Variants in XYLT1 observed in about 807,000 individuals in gnomAD.
XYLT1 encodes beta-D-xylosyltransferase 1.
In XYLT1, 36 loss-of-function variants were observed where a neutral mutation model predicts 91.3. That is an observed-to-expected ratio of 0.39 (90% CI 0.30 to 0.52). The LOEUF is 0.52. Ranked by LOEUF, XYLT1 falls within the 20% of genes least tolerant of loss-of-function variation. The pLI is 0.68. For missense variants in XYLT1, 1,242 were observed against 1,284.5 expected (o/e 0.97, Z 0.51); for synonymous variants, 588 against 532.0 (o/e 1.11, Z -1.45).
At chr16:17,136,957 G>A (rs1175036378) in intron 8 of XYLT1, among the ~76,000 whole-genome samples, 1 of 152,148 alleles carries the variant, frequency 6.6e-6, no homozygotes, top group African/African-American at 2.4e-5. Flanking sequence ...GATTAGGGCA[G>A]TGAGGGACGG....
chr16:17,257,494 T>C (rs533924409), intron 3 of XYLT1, among the ~76,000 whole-genome samples: 2 of 152,224 alleles, frequency 1.3e-5, no homozygotes, highest in East Asian at 3.9e-4. Flanking sequence ...TTTGAGAATA[T>C]CTTCTCCAAG....
chr16:17,138,185 G>GAACA, intron 8 of XYLT1, 170 bp downstream of exon 8: 4 of 724,314 alleles, frequency 5.5e-6, no homozygotes, highest in Non-Finnish European at 8.8e-6. Context: ...CCTGAAGTAA[G>GAACA]TGCTCAATAA....
intron 11 of XYLT1, 79 bp from the exon 12 acceptor site, chr16:17,109,096 G>A: frequency 7.4e-7 from 1 of 1,348,386 alleles, no homozygotes. Context: ...TGTGCCTGGT[G>A]CTGCACTGGG....
rs535784714 is a variant in XYLT1, at chr16:17,303,945, AG to A, written c.403-44448del. 7.0e-4 allele frequency among the ~76,000 whole-genome samples: 106 copies of A among 152,324 alleles called. 1 individual carries two copies. Among genetic ancestry groups the A allele is most frequent in the African/African-American group, 2.2e-3 (92 of 41,564 alleles). ...GAGCAAATGATGTGGCAGACACACA[AG>A]ATACAGGAACAAAATACATATGTGA... On this transcript the variant is annotated intron_variant, in intron 2 of 11. Transcript: ENST00000261381.
intron 8 of XYLT1, among the ~76,000 whole-genome samples, chr16:17,138,061 G>GGAAAGTTTTTTTTAACCT (rs1555481535): frequency 6.6e-6 from 1 of 151,750 alleles, no homozygotes; most frequent in Admixed American, 6.5e-5. Flanking sequence ...TATGGCCTTT[G>GGAAAGTTTTTTTTAACCT]GAAAGTTTTT....
intron 2 of XYLT1, among the ~76,000 whole-genome samples, chr16:17,289,919 G>T (rs755505500): frequency 3.3e-4 from 50 of 152,220 alleles, no homozygotes; most frequent in Non-Finnish European, 6.5e-4. Flanking sequence ...ATGACTTTCT[G>T]CAGAGAACAA....
chr16:17,155,719 G>T (rs2031389477), intron 6 of XYLT1, among the ~76,000 whole-genome samples: 1 of 152,156 alleles, frequency 6.6e-6, no homozygotes, highest in Non-Finnish European at 1.5e-5. Context: ...ATCCCAGCTG[G>T]GGACTCACAC....
At chr16:17,440,392 G>T (rs2036518356) in intron 1 of XYLT1, among the ~76,000 whole-genome samples, 1 of 152,214 alleles carries the variant, frequency 6.6e-6, no homozygotes, top group African/African-American at 2.4e-5. Flanking sequence ...GTAAGTATCA[G>T]AATGACTTCC....
chr16:17,134,349 G>C, intron 9 of XYLT1, 124 bp downstream of exon 9: 1 of 1,326,042 alleles, frequency 7.5e-7, no homozygotes, highest in Non-Finnish European at 1.0e-6. Flanking sequence ...GGCAAAGGAA[G>C]AGAGAAAGCA....
intron 3 of XYLT1, among the ~76,000 whole-genome samples, chr16:17,229,836 T>G (rs1273831908): frequency 6.6e-6 from 1 of 152,254 alleles, no homozygotes. Flanking sequence ...AATCTCAGAA[T>G]GTGATCTTAT....
At chr16:17,327,963 T>TA (rs2034837973) in intron 2 of XYLT1, among the ~76,000 whole-genome samples, 1 of 152,114 alleles carries the variant, frequency 6.6e-6, no homozygotes, top group African/African-American at 2.4e-5. Flanking sequence ...AAGGACTTGA[T>TA]GTTGCCTTGA....
intron 3 of XYLT1, among the ~76,000 whole-genome samples, chr16:17,226,665 G>A (rs978454325): frequency 6.6e-6 from 1 of 152,084 alleles, no homozygotes; most frequent in Non-Finnish European, 1.5e-5. Flanking sequence ...TGGTGGTAGT[G>A]CCAGCTACTC....
At chr16:17,234,975 T>C (rs1472973996) in intron 3 of XYLT1, among the ~76,000 whole-genome samples, 1 of 152,216 alleles carries the variant, frequency 6.6e-6, no homozygotes, top group Non-Finnish European at 1.5e-5. Context: ...GAGGATCATT[T>C]GATCTACATT....
chr16:17,179,141 G>A (rs2032010153), intron 5 of XYLT1, among the ~76,000 whole-genome samples: 1 of 152,070 alleles, frequency 6.6e-6, no homozygotes, highest in South Asian at 2.1e-4. Flanking sequence ...CAAAGGAAGA[G>A]AAAACCAAAT....
intron 2 of XYLT1, among the ~76,000 whole-genome samples, chr16:17,285,834 T>G (rs1400497901): frequency 2.6e-5 from 4 of 151,470 alleles, no homozygotes; most frequent in Non-Finnish European, 5.9e-5. Flanking sequence ...TTATTCAAGT[T>G]TATAACCCCC....
intron 1 of XYLT1, among the ~76,000 whole-genome samples, chr16:17,418,973 G>A (rs1313696674): frequency 6.6e-6 from 1 of 151,832 alleles, no homozygotes; most frequent in Admixed American, 6.6e-5. Flanking sequence ...TAAATGAATG[G>A]GTATAGCTGT....
At chr16:17,386,558 G>A (rs1042837297) in intron 1 of XYLT1, among the ~76,000 whole-genome samples, 4 of 152,094 alleles carry the variant, frequency 2.6e-5, no homozygotes, top group Admixed American at 1.3e-4. Flanking sequence ...ATGAAAAAGC[G>A]CATATGTTTT....
chr16:17,241,610 T>C (rs1395775875), intron 3 of XYLT1, among the ~76,000 whole-genome samples: 1 of 152,188 alleles, frequency 6.6e-6, no homozygotes, highest in Non-Finnish European at 1.5e-5. Context: ...GCACAATCAA[T>C]GCAACAATGA....
intron 2 of XYLT1, among the ~76,000 whole-genome samples, chr16:17,317,102 G>A (rs934168571): frequency 1.3e-5 from 2 of 151,970 alleles, no homozygotes; most frequent in East Asian, 3.9e-4. Flanking sequence ...GATTACAGGC[G>A]TGAGCCACCG....
Sources: gnomAD v4.1 joint callset for allele counts (sites outside exome capture counted in the v4.1 genomes callset) on GRCh38, gnomAD v4.1.1 for gene constraint, MANE v1.5 for transcripts, NCBI Gene and HGNC (gene_info 2026-07-23, HGNC 2026-07-21) for gene names.